The following LGSN variants were observed in gnomAD, a reference collection of about 807,000 sequenced individuals.
The protein encoded by LGSN is lengsin, lens protein with glutamine synthetase domain.
In LGSN, 21 loss-of-function variants were observed where a neutral mutation model predicts 19.5. The ratio of observed to expected loss-of-function variants is 1.07; its 90% CI spans 0.76 to 1.55. LGSN has a LOEUF of 1.55. Ranked by LOEUF, LGSN falls within the 40% of genes most tolerant of loss-of-function variation. The probability of loss-of-function intolerance (pLI) is 0.00; values close to 1 mark genes in which losing one functional copy is unlikely to be tolerated. For missense variants in LGSN, 673 were observed against 608.5 expected, an observed-to-expected ratio of 1.11 and a Z score of -1.12; for synonymous variants, 257 against 215.6, an observed-to-expected ratio of 1.19 and a Z score of -1.68.
chr6:63,348,067 A>G, the LGSN span, among the ~76,000 whole-genome samples: 1 of 152,256 alleles, frequency 6.6e-6, no homozygotes, highest in South Asian at 2.1e-4. Flanking sequence ...ATTTATAACA[A>G]AAGAAAGCAT....
chr6:63,529,135 G>A, the LGSN span, among the ~76,000 whole-genome samples: 2 of 133,918 alleles, frequency 1.5e-5, no homozygotes, highest in South Asian at 4.8e-4. Flanking sequence ...ATATATGTGT[G>A]TGTATATATA....
rs377444916 is a variant in LGSN at position 63,280,984 on chromosome 6, C to T, written c.567G>A (p.Lys189=). 4 of 1,614,018 alleles carry T rather than the reference C, an allele frequency of 2.5e-6. No individual in the cohort carries two copies. In the African/African-American group the frequency reaches 5.3e-5, roughly 22 times the overall value. Residue 189 remains lysine (K), a synonymous_variant, in exon 4 of 4, where the codon AAG becomes AAA. Transcript: ENST00000370657. ...AGGCCTGCAGATGGCTCAGCTGCCT[C>T]TTTGCAATGTACCTTGGGGAAGTCA... The part of the protein sequence containing the change: ...PLLTSPRYIA[K]RQLSHLQASG...
the LGSN span, among the ~76,000 whole-genome samples, chr6:63,385,385 C>T: frequency 6.6e-6 from 1 of 152,180 alleles, no homozygotes; most frequent in Non-Finnish European, 1.5e-5. Context: ...AAACTTAGAT[C>T]ACTCTGTCTT....
the LGSN span, among the ~76,000 whole-genome samples, chr6:63,562,406 T>C: frequency 6.6e-6 from 1 of 151,908 alleles, no homozygotes; most frequent in Non-Finnish European, 1.5e-5. Flanking sequence ...TCCATGTTGG[T>C]CAGGCTGGTC....
chr6:63,422,285 A>G, the LGSN span, among the ~76,000 whole-genome samples: 1 of 152,134 alleles, frequency 6.6e-6, no homozygotes, highest in Non-Finnish European at 1.5e-5. Flanking sequence ...GCTGGTCTCA[A>G]ACTCCTGACC....
In LGSN at chr6:63,292,772, C is replaced by A. The variant is rs986816059; in HGVS notation, c.163+2141G>T. 3.3e-5 allele frequency among the ~76,000 whole-genome samples: 5 copies of A among 152,318 alleles called. No individual in the cohort carries two copies. The South Asian group carries it at 1.0e-3, about 32-fold the overall frequency. ...GGACTGCCCATGGCTGATTTTTAAT[C>A]TGTATCCTTTTAGTGTAATAAACCA... On this transcript the variant is annotated intron_variant, in intron 2 of 3. Coordinates refer to ENST00000370657, the MANE Select transcript of LGSN (RefSeq NM_016571.3).
At chr6:63,443,726 T>C in the LGSN span, 1 of 205,406 alleles carries the variant, frequency 4.9e-6, no homozygotes, top group Non-Finnish European at 9.1e-6. Context: ...ACCTCCTCTT[T>C]GTAGGACTTC....
the LGSN span, among the ~76,000 whole-genome samples, chr6:63,387,594 T>C: frequency 1.3e-5 from 2 of 152,266 alleles, no homozygotes; most frequent in South Asian, 2.1e-4. Flanking sequence ...TATTTTATCA[T>C]GGATTAAAAA....
At chr6:63,503,753 A>G in the LGSN span, among the ~76,000 whole-genome samples, 53 of 152,212 alleles carry the variant, frequency 3.5e-4, no homozygotes, top group East Asian at 8.7e-3. Context: ...CGCCTCTACT[A>G]AAAATACAAA....
the LGSN span, among the ~76,000 whole-genome samples, chr6:63,370,022 AAGG>A: frequency 2.0e-5 from 3 of 148,910 alleles, no homozygotes; most frequent in Non-Finnish European, 4.4e-5. Context: ...GAAGAAGAAG[AAGG>A]AGAAGGAGAA....
At chr6:63,332,253 T>C in the LGSN span, among the ~76,000 whole-genome samples, 2 of 152,112 alleles carry the variant, frequency 1.3e-5, no homozygotes, top group African/African-American at 2.4e-5. Flanking sequence ...ATCATTCTTA[T>C]AGGAGAAACT....
At chr6:63,572,428 G>GT in the LGSN span, 3 of 367,108 alleles carry the variant, frequency 8.2e-6, no homozygotes, top group South Asian at 4.3e-4. Context: ...TTGGTGGCTG[G>GT]AGGGTTGCAC....
chr6:63,421,139 T>G, the LGSN span, among the ~76,000 whole-genome samples: 431 of 152,104 alleles, frequency 2.8e-3, 3 homozygotes, highest in African/African-American at 9.9e-3. Flanking sequence ...TTATTCAGTC[T>G]GGCCAGGCAC....
At chr6:63,519,502 A>T in the LGSN span, among the ~76,000 whole-genome samples, 1 of 152,170 alleles carries the variant, frequency 6.6e-6, no homozygotes, top group Non-Finnish European at 1.5e-5. Flanking sequence ...AATACTAATG[A>T]TAAACTGACT....
At chr6:63,419,052 C>T in the LGSN span, among the ~76,000 whole-genome samples, 1 of 152,090 alleles carries the variant, frequency 6.6e-6, no homozygotes, top group African/African-American at 2.4e-5. Flanking sequence ...TGAGGCCACC[C>T]TTGCCATGGT....
At chr6:63,281,430 T>G (rs1767320492) in intron 3 of LGSN, among the ~76,000 whole-genome samples, 1 of 150,492 alleles carries the variant, frequency 6.6e-6, no homozygotes, top group Non-Finnish European at 1.5e-5. Flanking sequence ...AAGGCAACTT[T>G]ATAAACAATG....
At chr6:63,489,019 A>G in the LGSN span, among the ~76,000 whole-genome samples, 1 of 152,232 alleles carries the variant, frequency 6.6e-6, no homozygotes, top group African/African-American at 2.4e-5. Context: ...ACAAATAAAT[A>G]TAGCAGATAT....
At chr6:63,333,212 TG>T in the LGSN span, among the ~76,000 whole-genome samples, 444 of 152,114 alleles carry the variant, frequency 2.9e-3, 2 homozygotes, top group African/African-American at 0.01. Flanking sequence ...TAGAGCCAAG[TG>T]GTCTGTTTTG....
chr6:63,372,186 G>A, the LGSN span, among the ~76,000 whole-genome samples: 6 of 152,204 alleles, frequency 3.9e-5, no homozygotes, highest in Non-Finnish European at 2.9e-5. Flanking sequence ...TGGGGCTACT[G>A]TGTCCAGAAG....
Sources: gnomAD v4.1 joint callset for allele counts (sites outside exome capture counted in the v4.1 genomes callset) on GRCh38, gnomAD v4.1.1 for gene constraint, MANE v1.5 for transcripts, NCBI Gene and HGNC (gene_info 2026-07-23, HGNC 2026-07-21) for gene names.